The following UBE2B variants were observed in gnomAD, a reference collection of about 807,000 sequenced individuals.
The protein encoded by UBE2B is ubiquitin conjugating enzyme E2 B.
In UBE2B, 11 loss-of-function variants were observed where a neutral mutation model predicts 24.6. The ratio of observed to expected loss-of-function variants is 0.45; its 90% CI spans 0.28 to 0.74. The LOEUF is 0.74. Among genes scored for constraint, UBE2B ranks in the 30% least tolerant of loss-of-function variants. UBE2B has a pLI of 0.13. For missense variants in UBE2B, 78 were observed against 185.6 expected, an observed-to-expected ratio of 0.42 and a Z score of 3.37; for synonymous variants, 68 against 62.4, an observed-to-expected ratio of 1.09 and a Z score of -0.42.
At chr5:134,388,471 T>A in intron 5 of UBE2B, 58 bp downstream of exon 5, 1 of 1,487,424 alleles carries the variant, frequency 6.7e-7, no homozygotes, top group Non-Finnish European at 9.4e-7. Context: ...TATAGTCAGC[T>A]CCTTAGCACA....
At chr5:134,374,555 G>A (rs1362773447) in intron 2 of UBE2B, 92 bp downstream of exon 2, 3 of 1,329,986 alleles carry the variant, frequency 2.3e-6, no homozygotes, top group Admixed American at 4.0e-5. Flanking sequence ...AAACTGAGGT[G>A]GAATGAGAGA....
chr5:134,374,595 A>AG (rs892001373), intron 2 of UBE2B, 132 bp downstream of exon 2: 1 of 1,029,192 alleles, frequency 9.7e-7, no homozygotes, highest in Non-Finnish European at 1.5e-6. Context: ...AAGATAAATT[A>AG]GAAAAAAAAA....
chr5:134,388,282 G>GATATGGCAGAGTGTGTAACTAATTTTAGT (rs1270593314), intron 4 of UBE2B, 43 bp from the exon 5 acceptor site: 1 of 1,514,868 alleles, frequency 6.6e-7, no homozygotes, highest in South Asian at 1.1e-5. Flanking sequence ...TTAACTGTTA[G>GATATGGCAGAGTGTGTAACTAATTTTAGT]ATATGGCAGA....
intron 1 of UBE2B, among the ~76,000 whole-genome samples, chr5:134,372,449 G>GT: frequency 6.6e-6 from 1 of 152,146 alleles, no homozygotes; most frequent in East Asian, 1.9e-4. Flanking sequence ...TTATTCCGTT[G>GT]TTTACCTTTT....
rs772698311 is a variant in UBE2B at position 134,390,880 on chromosome 5, T to A, written c.*527T>A. ...CATTTACAATTTCAAAAGAACATTC[T>A]TATATTTTATCAAGGAAGTCTTCAA... On this transcript the variant is annotated 3_prime_UTR_variant, in exon 6 of 6. Coordinates refer to ENST00000265339, the MANE Select transcript of UBE2B (RefSeq NM_003337.4). This position sits in a 1 kb window ranked among gnomAD's most constrained non-coding sequence, Gnocchi z 4.6. 6.5e-6 allele frequency: 1 copy of A among 154,960 alleles called. No homozygotes were observed. The highest frequency in any genetic ancestry group is 1.4e-5 in the Non-Finnish European group (1 of 69,616). The allele number at this position is 154,960 out of a possible 1,614,324, so 9.6% of individuals were successfully genotyped here.
In UBE2B at chr5:134,376,322, CAAAAAAAA is replaced by C. The variant is rs1176500916; in HGVS notation, c.126-327_126-320del. On this transcript the variant is annotated intron_variant, in intron 2 of 5. Transcript: ENST00000265339. ...GGGGGACAAGAGCAAAACTCCGTCT[CAAAAAAAA>C]AAAAAAAAAAAAAAAAAAATATATA... 9.4e-4 allele frequency among the ~76,000 whole-genome samples: 7 copies of C among 7,458 alleles called. 1 individual carries two copies. The highest frequency in any genetic ancestry group is 5.4e-3 in the Admixed American group (2 of 370). The allele number at this position is 7,458 out of a possible 152,430, so 4.9% of individuals were successfully genotyped here.
chr5:134,380,616 AACTT>A, intron 3 of UBE2B, 99 bp from the exon 4 acceptor site: 1 of 701,430 alleles, frequency 1.4e-6, no homozygotes, highest in Non-Finnish European at 2.6e-6. Flanking sequence ...TTGACATACT[AACTT>A]TTATGTGGTT....
At chr5:134,373,112 G>A (rs544769560) in intron 1 of UBE2B, among the ~76,000 whole-genome samples, 1 of 152,324 alleles carries the variant, frequency 6.6e-6, no homozygotes, top group Non-Finnish European at 1.5e-5. Flanking sequence ...AAAGCCTTGT[G>A]TTGAGTCTCC....
chr5:134,382,515 AT>A (rs1561681576), intron 4 of UBE2B, among the ~76,000 whole-genome samples: 2 of 151,960 alleles, frequency 1.3e-5, no homozygotes, highest in Non-Finnish European at 2.9e-5. Flanking sequence ...GTTCATGCCT[AT>A]TAATTCCAGC....
intron 2 of UBE2B, among the ~76,000 whole-genome samples, chr5:134,376,352 T>TATATATATATATATATATAC (rs1245225454): frequency 1.6e-5 from 1 of 63,242 alleles, no homozygotes; most frequent in African/African-American, 6.2e-5. Flanking sequence ...AAAAAAAATA[T>TATATATATATATATATATAC]ATATATATAT....
At chr5:134,376,284 T>A (rs1758601195) in intron 2 of UBE2B, among the ~76,000 whole-genome samples, 1 of 123,488 alleles carries the variant, frequency 8.1e-6, no homozygotes, top group Non-Finnish European at 1.6e-5. Flanking sequence ...ATCATGCCAT[T>A]GCACTCCAGC....
chr5:134,376,340 A>T (rs1286232468), intron 2 of UBE2B, among the ~76,000 whole-genome samples: 761 of 5,796 alleles, frequency 0.13, 86 homozygotes, highest in South Asian at 0.33. Context: ...AAAAAAAAAA[A>T]AAAAAAAAAT....
intron 3 of UBE2B, among the ~76,000 whole-genome samples, chr5:134,378,934 A>C (rs1016520575): frequency 6.6e-6 from 1 of 151,966 alleles, no homozygotes; most frequent in African/African-American, 2.4e-5. Context: ...ATCTCAAAAA[A>C]AAAAAAAAAA....
At chr5:134,374,157 A>G (rs955334400) in intron 1 of UBE2B, among the ~76,000 whole-genome samples, 3 of 152,214 alleles carry the variant, frequency 2.0e-5, no homozygotes, top group Non-Finnish European at 4.4e-5. Flanking sequence ...TGAAAGAGGG[A>G]TGATTCTCAA....
intron 3 of UBE2B, among the ~76,000 whole-genome samples, chr5:134,377,270 T>C (rs889221519): frequency 3.3e-5 from 5 of 152,192 alleles, no homozygotes; most frequent in African/African-American, 1.2e-4. Context: ...TTCCCAATTG[T>C]AGTGTTGGAT....
chr5:134,383,667 G>A (rs1419831830), intron 4 of UBE2B, among the ~76,000 whole-genome samples: 1 of 151,784 alleles, frequency 6.6e-6, no homozygotes, highest in East Asian at 1.9e-4. Flanking sequence ...CACCATGTTG[G>A]CCAGGCTGGT....
At chr5:134,379,646 C>CA (rs1222816195) in intron 3 of UBE2B, among the ~76,000 whole-genome samples, 1,164 of 75,202 alleles carry the variant, frequency 0.015, 22 homozygotes, top group Admixed American at 0.075. Flanking sequence ...TCTGTCTCAA[C>CA]AAAAAAAAAA....
chr5:134,380,531 C>T (rs1409073254), intron 3 of UBE2B, among the ~76,000 whole-genome samples, 188 bp from the exon 4 acceptor site: 2 of 152,180 alleles, frequency 1.3e-5, no homozygotes, highest in African/African-American at 2.4e-5. Flanking sequence ...GTTCCCCAAC[C>T]GCTTGCCAAT....
chr5:134,371,697 C>T (rs374450291), intron 1 of UBE2B, 58 bp downstream of exon 1: 3 of 1,609,026 alleles, frequency 1.9e-6, no homozygotes, highest in Admixed American at 1.7e-5. Context: ...GGCTGCAGGG[C>T]GTGGATCCCA....
Sources: gnomAD v4.1 joint callset for allele counts (sites outside exome capture counted in the v4.1 genomes callset) on GRCh38, gnomAD v4.1.1 for gene constraint, Gnocchi (gnomAD v3.1) non-coding constraint, MANE v1.5 for transcripts, NCBI Gene and HGNC (gene_info 2026-07-23, HGNC 2026-07-21) for gene names.